Variants in FBXL2 observed in about 807,000 individuals in gnomAD.
FBXL2 encodes F-box/LRR-repeat protein 2.
FBXL2 carries 38 observed loss-of-function variants against 69.2 expected under a neutral mutation model. That is an observed-to-expected ratio of 0.55 (90% CI 0.42 to 0.72). The LOEUF (loss-of-function observed/expected upper bound fraction) is 0.72. Among genes scored for constraint, FBXL2 ranks in the 30% least tolerant of loss-of-function variants. The pLI is 0.00. For synonymous variants in FBXL2, 192 were observed against 201.3 expected, an observed-to-expected ratio of 0.95 and a Z score of 0.39; for missense variants, 354 against 520.3, an observed-to-expected ratio of 0.68 and a Z score of 3.11.
intron 2 of FBXL2, among the ~76,000 whole-genome samples, chr3:33,351,245 A>G (rs1455194836): frequency 1.3e-5 from 2 of 152,176 alleles, no homozygotes; most frequent in East Asian, 3.9e-4. Context: ...AGCCTGGGTA[A>G]CAGAGCAAGA....
chr3:33,280,491 T>A (rs1373293577), intron 1 of FBXL2, among the ~76,000 whole-genome samples: 1 of 152,116 alleles, frequency 6.6e-6, no homozygotes, highest in African/African-American at 2.4e-5. Flanking sequence ...GGAGGACTGC[T>A]TCAGTCCCGG....
intron 12 of FBXL2, among the ~76,000 whole-genome samples, chr3:33,394,343 G>C (rs1331776583): frequency 6.6e-6 from 1 of 151,972 alleles, no homozygotes; most frequent in African/African-American, 2.4e-5. Context: ...AGCACGCCCA[G>C]TTAAGCATTA....
At chr3:33,375,150 C>T (rs1175578697) in intron 9 of FBXL2, 138 bp from the exon 10 acceptor site, 1 of 982,026 alleles carries the variant, frequency 1.0e-6, no homozygotes, top group Non-Finnish European at 1.5e-6. Flanking sequence ...CTACCCTCTA[C>T]TTATTTTGTT....
At chr3:33,327,967 A>AG (rs939060059) in intron 2 of FBXL2, among the ~76,000 whole-genome samples, 1 of 151,824 alleles carries the variant, frequency 6.6e-6, no homozygotes, top group Non-Finnish European at 1.5e-5. Context: ...CCAAAAAAAA[A>AG]AAAACTGTTA....
At chr3:33,356,041 C>T (rs1216462020) in intron 2 of FBXL2, among the ~76,000 whole-genome samples, 2 of 152,080 alleles carry the variant, frequency 1.3e-5, no homozygotes, top group African/African-American at 4.8e-5. Flanking sequence ...ATTCAGTAAT[C>T]ATAAAACTAG....
chr3:33,411,642 C>T, the FBXL2 span: 30 of 1,613,994 alleles, frequency 1.9e-5, no homozygotes, highest in Non-Finnish European at 2.5e-5. Context: ...ATTTAACTGG[C>T]TTGGATTCGT....
At chr3:33,291,223 C>G (rs1318783316) in intron 1 of FBXL2, among the ~76,000 whole-genome samples, 2 of 152,124 alleles carry the variant, frequency 1.3e-5, no homozygotes, top group African/African-American at 4.8e-5. Context: ...GCTACTGTGC[C>G]TGGCCTGGAA....
intron 12 of FBXL2, chr3:33,400,122 G>T: frequency 2.8e-6 from 3 of 1,089,770 alleles, no homozygotes; most frequent in Non-Finnish European, 3.8e-6. Flanking sequence ...AAAATATAAA[G>T]TTAATAAAAG....
chr3:33,316,765 T>TG (rs2037735550), intron 2 of FBXL2, among the ~76,000 whole-genome samples: 2 of 152,216 alleles, frequency 1.3e-5, no homozygotes, highest in Admixed American at 1.3e-4. Flanking sequence ...AGCAGTCAAA[T>TG]GCATTACTTA....
At chr3:33,338,426 A>ATAC (rs756224123) in intron 2 of FBXL2, among the ~76,000 whole-genome samples, 3 of 152,094 alleles carry the variant, frequency 2.0e-5, no homozygotes, top group African/African-American at 4.8e-5. Flanking sequence ...AATAATAATA[A>ATAC]ATAAAATCCA....
At chr3:33,389,598 G>A (rs2043676995), downstream of FBXL2, 1 of 152,082 alleles carries the variant, frequency 6.6e-6, no homozygotes, top group South Asian at 2.1e-4. Context: ...TGCTAAAAAT[G>A]GAAGCAGAAG....
intron 4 of FBXL2, among the ~76,000 whole-genome samples, chr3:33,362,728 A>G (rs1229588431): frequency 6.6e-6 from 1 of 152,190 alleles, no homozygotes; most frequent in Admixed American, 6.5e-5. Context: ...AAATTTAAAA[A>G]AATGTTACTA....
chr3:33,323,696 T>C (rs1419360145), intron 2 of FBXL2, among the ~76,000 whole-genome samples: 5 of 152,220 alleles, frequency 3.3e-5, no homozygotes, highest in Non-Finnish European at 7.3e-5. Context: ...ATTTTCTTTA[T>C]CCAGTCTATC....
intron 12 of FBXL2, among the ~76,000 whole-genome samples, chr3:33,395,187 G>A (rs1458401791): frequency 6.6e-6 from 1 of 152,124 alleles, no homozygotes; most frequent in Admixed American, 6.5e-5. Flanking sequence ...AGCTTTTGAA[G>A]TCAAAATAAT....
Position 33,373,567 on chromosome 3 carries a change from T to C in FBXL2, c.456-11T>C. 6.2e-7 allele frequency: 1 copy of C among 1,614,164 alleles called. No homozygotes were observed. Among genetic ancestry groups the C allele is most frequent in the South Asian group, 1.1e-5 (1 of 91,056 alleles). ...AGACTGCACATAAGTTTTTGTTTCTTGTTCTCTCAGTGAGGGCTGCCGAAA... is the reference window on the plus strand; with the variant it reads ...AGACTGCACATAAGTTTTTGTTTCTCGTTCTCTCAGTGAGGGCTGCCGAAA... On this transcript the variant is annotated splice_polypyrimidine_tract_variant and intron_variant, in intron 7 of 14. Coordinates refer to ENST00000484457, the MANE Select transcript of FBXL2 (RefSeq NM_012157.5).
chr3:33,317,583 T>C (rs2037822619), intron 2 of FBXL2: 1 of 453,124 alleles, frequency 2.2e-6, no homozygotes, highest in Middle Eastern at 4.7e-4. Flanking sequence ...TAAACAGATA[T>C]TATGAAGCCC....
At chr3:33,332,969 T>A (rs1423399768) in intron 2 of FBXL2, among the ~76,000 whole-genome samples, 1 of 152,150 alleles carries the variant, frequency 6.6e-6, no homozygotes, top group Admixed American at 6.6e-5. Context: ...TCAAAAACAT[T>A]ATATGAAGAA....
chr3:33,383,728 G>A, intron 13 of FBXL2: 1 of 449,182 alleles, frequency 2.2e-6, no homozygotes, highest in Admixed American at 3.4e-5. Context: ...AGGGCCCCAA[G>A]GCTTTGTGTT....
intron 5 of FBXL2, among the ~76,000 whole-genome samples, chr3:33,369,375 T>G (rs1033207172): frequency 6.6e-6 from 1 of 151,938 alleles, no homozygotes; most frequent in African/African-American, 2.4e-5. Flanking sequence ...TTTTATGATT[T>G]CATTTTATAT....
Sources: allele counts gnomAD v4.1 joint callset (sites outside exome capture counted in the v4.1 genomes callset), GRCh38; gene constraint gnomAD v4.1.1; transcripts MANE v1.5; gene names NCBI Gene and HGNC (gene_info 2026-07-23, HGNC 2026-07-21).